The following SH3GL2 variants were observed in gnomAD, a reference collection of about 807,000 sequenced individuals.
SH3GL2 encodes the protein endophilin-A1.
In SH3GL2, 24 loss-of-function variants were observed where a neutral mutation model predicts 46.0. That is an observed-to-expected ratio of 0.52 (90% CI 0.38 to 0.73). SH3GL2 has a LOEUF of 0.73. Among genes scored for constraint, SH3GL2 ranks in the 30% least tolerant of loss-of-function variants. SH3GL2 has a pLI of 0.00. For synonymous variants in SH3GL2, 196 were observed against 147.1 expected, an observed-to-expected ratio of 1.33 and a Z score of -2.40; for missense variants, 413 against 424.2, an observed-to-expected ratio of 0.97 and a Z score of 0.23.
At chr9:17,600,944 T>A (rs1818657669) in intron 1 of SH3GL2, among the ~76,000 whole-genome samples, 1 of 152,228 alleles carries the variant, frequency 6.6e-6, no homozygotes, top group Admixed American at 6.5e-5. Flanking sequence ...CTGCAGTAGG[T>A]AATGGATCTC....
At chr9:17,666,607 A>C (rs1010970375) in intron 1 of SH3GL2, among the ~76,000 whole-genome samples, 1 of 147,422 alleles carries the variant, frequency 6.8e-6, no homozygotes, top group Non-Finnish European at 1.5e-5. Context: ...TTTTTTCATC[A>C]GTTCATAGGA....
At chr9:17,620,745 A>G (rs1819119750) in intron 1 of SH3GL2, among the ~76,000 whole-genome samples, 1 of 152,206 alleles carries the variant, frequency 6.6e-6, no homozygotes, top group Admixed American at 6.5e-5. Flanking sequence ...GGAGAAGTCA[A>G]GGGTAAAGCC....
At position 17,643,583 on chromosome 9, in the gene SH3GL2, G is replaced by A. The variant is rs148976699; in HGVS notation, c.45+64296G>A. 4.9e-4 allele frequency among the ~76,000 whole-genome samples: 74 copies of A among 151,486 alleles called. 1 individual carries two copies. In the East Asian group the frequency reaches 9.5e-3, roughly 19 times the overall value. On this transcript the variant is annotated intron_variant, in intron 1 of 8. Coordinates refer to ENST00000380607, the MANE Select transcript of SH3GL2 (RefSeq NM_003026.5). ...ACCTTATGGAGTGTTTTAGTCATTG[G>A]TTCTGTTTATGTGTTTTTTGTCATT...
At chr9:17,666,450 A>G (rs1038940840) in intron 1 of SH3GL2, among the ~76,000 whole-genome samples, 3 of 151,906 alleles carry the variant, frequency 2.0e-5, no homozygotes, top group Non-Finnish European at 4.4e-5. Flanking sequence ...GGTAACTGGT[A>G]TCATTAGTTT....
chr9:17,708,116 G>A (rs1426886834), intron 1 of SH3GL2, among the ~76,000 whole-genome samples: 7 of 152,034 alleles, frequency 4.6e-5, no homozygotes, highest in Admixed American at 3.9e-4. Flanking sequence ...GGTGGGTAGA[G>A]AAACCGTCTG....
At chr9:17,626,981 T>G (rs531373869) in intron 1 of SH3GL2, among the ~76,000 whole-genome samples, 7 of 152,160 alleles carry the variant, frequency 4.6e-5, no homozygotes, top group Non-Finnish European at 1.0e-4. Context: ...TAATCTTCTT[T>G]AACCTCCACT....
intron 1 of SH3GL2, among the ~76,000 whole-genome samples, chr9:17,665,802 T>A (rs1820327910): frequency 6.6e-6 from 1 of 151,252 alleles, no homozygotes; most frequent in East Asian, 1.9e-4. Context: ...ATGTCATAAC[T>A]TTTAGGTCTT....
At chr9:17,771,381 G>A (rs1006324721) in intron 3 of SH3GL2, among the ~76,000 whole-genome samples, 1 of 152,158 alleles carries the variant, frequency 6.6e-6, no homozygotes, top group Non-Finnish European at 1.5e-5. Flanking sequence ...GAAATATTAT[G>A]CACCTTCCTT....
At chr9:17,625,595 A>G (rs80053023) in intron 1 of SH3GL2, among the ~76,000 whole-genome samples, 1 of 152,254 alleles carries the variant, frequency 6.6e-6, no homozygotes, top group African/African-American at 2.4e-5. Flanking sequence ...CAATGGGGAA[A>G]GTTAGTCTCT....
chr9:17,620,783 AGAT>A (rs1225961286), intron 1 of SH3GL2, among the ~76,000 whole-genome samples: 1 of 152,190 alleles, frequency 6.6e-6, no homozygotes, highest in East Asian at 1.9e-4. Flanking sequence ...GTGACCTGCT[AGAT>A]GATGGAGCCC....
intron 1 of SH3GL2, among the ~76,000 whole-genome samples, chr9:17,654,549 G>C (rs1563799476): frequency 6.6e-6 from 1 of 152,162 alleles, no homozygotes; most frequent in Non-Finnish European, 1.5e-5. Flanking sequence ...GTCTGTGAAA[G>C]CGTAGATTAG....
At chr9:17,600,202 A>G (rs16935788) in intron 1 of SH3GL2, among the ~76,000 whole-genome samples, 11,358 of 152,274 alleles carry the variant, frequency 0.075, 1,378 homozygotes, top group African/African-American at 0.25. Context: ...TCTACAGCAC[A>G]AAGCCTTCCT....
At chr9:17,683,778 G>C (rs1820834132) in intron 1 of SH3GL2, among the ~76,000 whole-genome samples, 1 of 152,070 alleles carries the variant, frequency 6.6e-6, no homozygotes, top group South Asian at 2.1e-4. Context: ...ACCTAAAGCT[G>C]AGGGTGAAGC....
intron 1 of SH3GL2, among the ~76,000 whole-genome samples, chr9:17,591,751 C>T (rs1050300700): frequency 1.3e-5 from 2 of 152,130 alleles, no homozygotes; most frequent in African/African-American, 4.8e-5. Flanking sequence ...GATATAAAGC[C>T]TGGAACATTG....
chr9:17,595,088 C>T (rs962315586), intron 1 of SH3GL2, among the ~76,000 whole-genome samples: 2 of 152,094 alleles, frequency 1.3e-5, no homozygotes, highest in Admixed American at 6.5e-5. Context: ...ACATTATTAT[C>T]CCCATTTTAC....
At chr9:17,673,793 A>T (rs926449665) in intron 1 of SH3GL2, among the ~76,000 whole-genome samples, 8 of 152,002 alleles carry the variant, frequency 5.3e-5, no homozygotes, top group African/African-American at 1.9e-4. Context: ...AGTCTTTATT[A>T]ATTCTTTTGC....
chr9:17,732,945 T>G lies in SH3GL2; in HGVS notation c.46-14121T>G, dbSNP rs188249115. Among the ~76,000 whole-genome samples the G allele has an allele frequency of 8.5e-5, 13 of 152,210 alleles. No individual in the cohort carries two copies. In the East Asian group the frequency reaches 2.5e-3, roughly 29 times the overall value. ...TGGAATCAGGGGACCTGGGTTTCAG[T>G]CCTCTCTCTGTAACACCTGGCTGTC... is the stretch of plus-strand genomic sequence containing the variant. On this transcript the variant is annotated intron_variant, in intron 1 of 8. Transcript: ENST00000380607.
At chr9:17,648,350 G>C (rs1305814811) in intron 1 of SH3GL2, among the ~76,000 whole-genome samples, 1 of 152,090 alleles carries the variant, frequency 6.6e-6, no homozygotes. Context: ...AACGCTGTTA[G>C]GTAGCCAGTT....
chr9:17,680,122 A>G (rs1233528776), intron 1 of SH3GL2, among the ~76,000 whole-genome samples: 1 of 152,118 alleles, frequency 6.6e-6, no homozygotes, highest in Non-Finnish European at 1.5e-5. Context: ...CGGCTTTGGT[A>G]TCAGGATGAT....
Sources: gnomAD v4.1 joint callset for allele counts (sites outside exome capture counted in the v4.1 genomes callset) on GRCh38, gnomAD v4.1.1 for gene constraint, MANE v1.5 for transcripts, NCBI Gene and HGNC (gene_info 2026-07-23, HGNC 2026-07-21) for gene names.